The following UBXN7 variants were observed in gnomAD, a reference collection of about 807,000 sequenced individuals.
UBXN7 encodes the protein UBX domain protein 7.
Under a neutral mutation model 58.0 loss-of-function variants are expected in UBXN7, and 9 were observed. The observed-to-expected ratio is 0.16, with a 90% CI of 0.09 to 0.27. The LOEUF is 0.27. Ranked by LOEUF, UBXN7 falls within the 10% of genes least tolerant of loss-of-function variation. The probability of loss-of-function intolerance (pLI) is 1.00; values close to 1 mark genes in which losing one functional copy is unlikely to be tolerated. For missense variants in UBXN7, 328 were observed against 599.6 expected (o/e 0.55, Z 4.73); for synonymous variants, 208 against 205.0 (o/e 1.01, Z -0.12).
chr3:196,357,734 C>A (rs1187122339), intron 10 of UBXN7, among the ~76,000 whole-genome samples: 3 of 152,120 alleles, frequency 2.0e-5, no homozygotes, highest in African/African-American at 7.2e-5. Context: ...GTGGTGCGCA[C>A]CTGTAATCCC....
intron 10 of UBXN7, 33 bp downstream of exon 10, chr3:196,361,811 G>C: frequency 1.3e-6 from 2 of 1,589,150 alleles, no homozygotes; most frequent in Non-Finnish European, 1.7e-6. Context: ...TATTGCAGTG[G>C]TCGGAACTGA....
chr3:196,405,123 A>C (rs957380254), intron 2 of UBXN7, among the ~76,000 whole-genome samples: 1 of 152,086 alleles, frequency 6.6e-6, no homozygotes, highest in African/African-American at 2.4e-5. Context: ...TCACACCCCT[A>C]CATTCCAGTC....
Position 196,371,901 on chromosome 3 carries a change from A to G in UBXN7, c.610T>C (p.Trp204Arg). ...KNIIREHFIF[W>R]QVYHDSEEGQ... ...TGATTAACTCTCCTTCTCACCTGCC[A>G]GAAAATGAAATGTTCCCGGATAATA... The change falls in exon 6 of 11, where the codon TGG becomes CGG. Residue 204 changes from tryptophan to arginine, a missense_variant. Around this residue, in one of 4 missense-constraint regions of UBXN7, gnomAD observed 126 missense variants for 302.6 expected, o/e 0.42. Transcript: ENST00000296328. 6.2e-7 allele frequency: 1 copy of G among 1,609,686 alleles called. No homozygotes were observed. The highest frequency in any genetic ancestry group is 8.5e-7 in the Non-Finnish European group (1 of 1,178,792).
At position 196,348,347 on chromosome 3, in the gene UBXN7, T is replaced by C. The variant is rs764815207; in HGVS notation, c.*8338A>G. The C allele has an allele frequency of 5.3e-5, 8 of 152,010 alleles. No individual in the cohort carries two copies. The highest frequency in any genetic ancestry group is 1.0e-4 in the Non-Finnish European group (7 of 68,004). The allele number at this position is 152,010 out of a possible 1,614,324, so 9.4% of individuals were successfully genotyped here. A position where few individuals can be genotyped will look rare whatever the true frequency, so the allele number is the denominator to read the frequency against. On this transcript the variant is annotated 3_prime_UTR_variant, in exon 11 of 11. Coordinates refer to ENST00000296328, the MANE Select transcript of UBXN7 (RefSeq NM_015562.2). Reference sequence around the variant, plus strand: ...AAATCAACGGTATCTCCTAGCACCATTGGAGAAAAGGCCCAGAAAACAGAA... The same window carrying C: ...AAATCAACGGTATCTCCTAGCACCACTGGAGAAAAGGCCCAGAAAACAGAA...
Position 196,356,402 on chromosome 3 carries a change from C to T in UBXN7, c.*283G>A. On this transcript the variant is annotated 3_prime_UTR_variant, in exon 11 of 11. Transcript: ENST00000296328. Reference sequence around the variant, plus strand: ...TGCTAGTACTAGGAGAGGTCTTATCCTTACACTTCAGTTTGGTCACCAGAT... The same window carrying T: ...TGCTAGTACTAGGAGAGGTCTTATCTTTACACTTCAGTTTGGTCACCAGAT... 1 of 294,770 alleles carries T rather than the reference C, an allele frequency of 3.4e-6. No individual in the cohort carries two copies. The highest frequency in any genetic ancestry group is 5.3e-5 in the South Asian group (1 of 19,000). The allele number at this position is 294,770 out of a possible 1,614,324, so 18.3% of individuals were successfully genotyped here.
chr3:196,428,139 CA>C (rs1398187831), intron 1 of UBXN7, among the ~76,000 whole-genome samples: 1 of 150,888 alleles, frequency 6.6e-6, no homozygotes, highest in Non-Finnish European at 1.5e-5. Flanking sequence ...AAAACAAAAA[CA>C]AAAACAAACA....
At chr3:196,359,797 C>T (rs1397921990) in intron 10 of UBXN7, among the ~76,000 whole-genome samples, 1 of 151,658 alleles carries the variant, frequency 6.6e-6, no homozygotes, top group African/African-American at 2.4e-5. Flanking sequence ...CCCAGCTACT[C>T]GGGAGGCTGA....
At chr3:196,417,723 T>G (rs1290393994) in intron 1 of UBXN7, among the ~76,000 whole-genome samples, 5 of 78,434 alleles carry the variant, frequency 6.4e-5, no homozygotes, top group Admixed American at 1.6e-4. Flanking sequence ...GGCAAAATGG[T>G]TAAAAAAAAA....
intron 1 of UBXN7, among the ~76,000 whole-genome samples, chr3:196,431,221 T>C (rs867332019): frequency 1.2e-4 from 18 of 152,292 alleles, no homozygotes; most frequent in Middle Eastern, 6.8e-3. Context: ...TATAGATCCG[T>C]TGAGAGGGAA....
intron 2 of UBXN7, among the ~76,000 whole-genome samples, chr3:196,404,690 T>C (rs889134329): frequency 2.6e-5 from 4 of 152,192 alleles, no homozygotes; most frequent in African/African-American, 9.6e-5. Flanking sequence ...AATTACATCC[T>C]GTAATCAAAG....
chr3:196,372,480 T>G (rs1410500417), intron 5 of UBXN7, among the ~76,000 whole-genome samples: 1 of 151,898 alleles, frequency 6.6e-6, no homozygotes. Context: ...TAGTTGGGAT[T>G]AAAGGCGTGC....
rs934722152 is a variant in UBXN7, at chr3:196,348,188, C to CA, written c.*8496dup. 6.6e-6 allele frequency: 1 copy of CA among 151,996 alleles called. No individual in the cohort carries two copies. The highest frequency in any genetic ancestry group is 1.5e-5 in the Non-Finnish European group (1 of 67,998). 9.4% of individuals were successfully genotyped at this position (151,996 alleles called of 1,614,324 possible). The stretch of plus-strand genomic sequence containing the variant: ...TCTTCAAATTTAAGGCTTTCCCAAG[C>CA]ACCTTTATTATGACTTACTAGATAT... On this transcript the variant is annotated 3_prime_UTR_variant, in exon 11 of 11. Transcript: ENST00000296328.
chr3:196,361,873 T>C lies in UBXN7; in HGVS notation c.1279A>G (p.Ile427Val), dbSNP rs1214252943. 1.9e-6 allele frequency: 3 copies of C among 1,613,618 alleles called. No individual in the cohort carries two copies. The highest frequency in any genetic ancestry group is 2.2e-5 in the East Asian group (1 of 44,876). Reference protein sequence around the residue: ...LRYPDGKREQITLPEQAKLLA... With the variant: ...LRYPDGKREQVTLPEQAKLLA... ...AGTTTAGCTTGCTCTGGAAGAGTGA[T>C]CTGTTCCCTTTTTCCATCTGGATAC... Residue 427 changes from isoleucine (I) to valine (V), a missense_variant, in exon 10 of 11, where the codon ATC becomes GTC. Physicochemically the swap from Ile to Val is conservative, Grantham distance 29. Transcript: ENST00000296328.
At chr3:196,374,143 G>A (rs1357735096) in intron 5 of UBXN7, among the ~76,000 whole-genome samples, 2 of 152,142 alleles carry the variant, frequency 1.3e-5, no homozygotes, top group African/African-American at 2.4e-5. Flanking sequence ...ACGTTCTAGA[G>A]ATAGACTAGA....
intron 3 of UBXN7, among the ~76,000 whole-genome samples, chr3:196,398,754 C>T (rs1577461014): frequency 6.6e-6 from 1 of 152,286 alleles, no homozygotes; most frequent in East Asian, 1.9e-4. Flanking sequence ...CCCTCGGCCT[C>T]CTGAGTAGCT....
intron 5 of UBXN7, among the ~76,000 whole-genome samples, chr3:196,375,381 C>G (rs1315325684): frequency 6.6e-6 from 1 of 152,026 alleles, no homozygotes; most frequent in Non-Finnish European, 1.5e-5. Context: ...CCTTGGGAGG[C>G]CAAGACAGGA....
At chr3:196,401,768 T>TA (rs1204342911) in intron 3 of UBXN7, among the ~76,000 whole-genome samples, 133 of 117,488 alleles carry the variant, frequency 1.1e-3, no homozygotes, top group Middle Eastern at 8.8e-3. Context: ...ATCTCTATTT[T>TA]AAAAAAAAAA....
chr3:196,376,027 A>C (rs1322903151), intron 5 of UBXN7, among the ~76,000 whole-genome samples: 1 of 152,152 alleles, frequency 6.6e-6, no homozygotes, highest in African/African-American at 2.4e-5. Flanking sequence ...AGACTGCCTC[A>C]AAAAAAGAAA....
intron 1 of UBXN7, among the ~76,000 whole-genome samples, chr3:196,415,542 C>T (rs531984757): frequency 6.8e-6 from 1 of 147,742 alleles, no homozygotes; most frequent in Admixed American, 6.7e-5. Flanking sequence ...TTTCGGAGGC[C>T]GAGACAGGTG....
Sources: gnomAD v4.1 joint callset for allele counts (sites outside exome capture counted in the v4.1 genomes callset) on GRCh38, gnomAD v4.1.1 for gene constraint, gnomAD v4.1.1 regional missense constraint, MANE v1.5 for transcripts, NCBI Gene and HGNC (gene_info 2026-07-23, HGNC 2026-07-21) for gene names.